Variants in PCAT7 observed in about 807,000 individuals in gnomAD.
The protein encoded by PCAT7 is prostate cancer associated transcript 7 (non-protein coding).
intron 2 of PCAT7, among the ~76,000 whole-genome samples, chr9:94,566,218 TAA>T (rs1228934756): frequency 1.3e-5 from 2 of 152,166 alleles, no homozygotes; most frequent in Non-Finnish European, 2.9e-5. Flanking sequence ...AACCTGGCCA[TAA>T]ACTGGCCCCA....
At chr9:94,556,511 G>A (rs1256024194) in intron 1 of PCAT7, among the ~76,000 whole-genome samples, 1 of 152,066 alleles carries the variant, frequency 6.6e-6, no homozygotes, top group Non-Finnish European at 1.5e-5. Context: ...GGGGACAAAG[G>A]TTTTGGGTAG....
intron 2 of PCAT7, among the ~76,000 whole-genome samples, chr9:94,560,583 G>A (rs891062103): frequency 2.6e-5 from 4 of 151,964 alleles, no homozygotes; most frequent in Non-Finnish European, 5.9e-5. Flanking sequence ...GGTTGACCCA[G>A]CTATGTGCAG....
intron 2 of PCAT7, chr9:94,571,475 A>G (rs369503726): frequency 8.1e-6 from 13 of 1,612,144 alleles, no homozygotes; most frequent in Non-Finnish European, 1.1e-5. Flanking sequence ...GTCAAGCATG[A>G]AGAGGTCCAC....
intron 1 of PCAT7, among the ~76,000 whole-genome samples, chr9:94,556,018 G>T (rs1403986110): frequency 6.6e-6 from 1 of 150,874 alleles, no homozygotes; most frequent in African/African-American, 2.4e-5. Context: ...AAAAGAGGGA[G>T]GTGAGCAGGA....
At chr9:94,561,722 CAGGAT>C (rs1827107350) in intron 2 of PCAT7, among the ~76,000 whole-genome samples, 2 of 152,156 alleles carry the variant, frequency 1.3e-5, no homozygotes, top group South Asian at 2.1e-4. Flanking sequence ...CAGACACACA[CAGGAT>C]AGGAGTGTGC....
chr9:94,564,615 A>C (rs1355531402), intron 2 of PCAT7, among the ~76,000 whole-genome samples: 1 of 152,228 alleles, frequency 6.6e-6, no homozygotes, highest in Non-Finnish European at 1.5e-5. Context: ...AATGATGAGA[A>C]CACATGGACA....
At chr9:94,567,557 T>G in intron 2 of PCAT7, 1 of 819,010 alleles carries the variant, frequency 1.2e-6, no homozygotes, top group Non-Finnish European at 1.9e-6. Context: ...CTTTGGTGTT[T>G]TCATGAGTGG....
At chr9:94,572,952 A>AG (rs71496965) in intron 2 of PCAT7, 73,870 of 151,898 alleles carry the variant, frequency 0.49, 18,588 homozygotes, top group African/African-American at 0.61. Context: ...CACTAGTTCT[A>AG]GAAGTGTTTT....
At chr9:94,572,237 G>C (rs1276457721) in intron 2 of PCAT7, among the ~76,000 whole-genome samples, 1 of 152,024 alleles carries the variant, frequency 6.6e-6, no homozygotes, top group Admixed American at 6.6e-5. Context: ...ACATCCAACC[G>C]GTGCAAAATG....
At chr9:94,565,103 G>C (rs1352035596) in intron 2 of PCAT7, among the ~76,000 whole-genome samples, 1 of 152,172 alleles carries the variant, frequency 6.6e-6, no homozygotes, top group East Asian at 1.9e-4. Context: ...GTCTGGCATG[G>C]TGGTTCACGC....
chr9:94,566,655 G>A (rs1827193964), intron 2 of PCAT7, among the ~76,000 whole-genome samples: 1 of 152,112 alleles, frequency 6.6e-6, no homozygotes, highest in African/African-American at 2.4e-5. Flanking sequence ...AGCTCTGCTG[G>A]GTTAGGGTCT....
At chr9:94,566,293 C>T (rs532524883) in intron 2 of PCAT7, among the ~76,000 whole-genome samples, 24 of 152,374 alleles carry the variant, frequency 1.6e-4, no homozygotes, top group African/African-American at 5.0e-4. Flanking sequence ...TTAATGCCCA[C>T]GCTGGAAGGT....
chr9:94,563,787 T>G (rs561151827), intron 2 of PCAT7, among the ~76,000 whole-genome samples: 8 of 151,986 alleles, frequency 5.3e-5, no homozygotes, highest in African/African-American at 1.9e-4. Flanking sequence ...AGGCTCAAAA[T>G]AAAGGGATGG....
intron 3 of PCAT7, among the ~76,000 whole-genome samples, chr9:94,573,817 A>G (rs1172280877): frequency 6.6e-6 from 1 of 152,238 alleles, no homozygotes; most frequent in Non-Finnish European, 1.5e-5. Flanking sequence ...TTTTTGTATC[A>G]GGATAACACT....
intron 1 of PCAT7, among the ~76,000 whole-genome samples, chr9:94,557,426 AAAG>A (rs1827027539): frequency 6.6e-6 from 1 of 152,200 alleles, no homozygotes; most frequent in South Asian, 2.1e-4. Flanking sequence ...CATTTTGGGA[AAAG>A]AAGAAAATCT....
intron 1 of PCAT7, among the ~76,000 whole-genome samples, chr9:94,555,772 G>A (rs1188475039): frequency 6.6e-6 from 1 of 151,648 alleles, no homozygotes; most frequent in Non-Finnish European, 1.5e-5. Context: ...AGAAAAGATG[G>A]TAGGTAAAAA....
chr9:94,567,240 T>C, intron 2 of PCAT7: 1 of 1,613,252 alleles, frequency 6.2e-7, no homozygotes, highest in Non-Finnish European at 8.5e-7. Context: ...CAGCATTCTG[T>C]CTGCCACCCA....
chr9:94,559,213 G>A (rs980267344), intron 2 of PCAT7: 20 of 1,291,478 alleles, frequency 1.5e-5, no homozygotes, highest in Non-Finnish European at 1.8e-5. Flanking sequence ...TGGGGGAGGA[G>A]TTTGTACTGC....
At position 94,557,139 on chromosome 9, in the gene PCAT7, G is replaced by A. The variant is rs57578837; in HGVS notation, n.257+1829G>A. Among the ~76,000 whole-genome samples, 3 of 152,152 alleles carry A rather than the reference G, an allele frequency of 2.0e-5. No homozygotes were observed. In the East Asian group the frequency reaches 5.8e-4, roughly 29 times the overall value. ...GTACCATGCTTACCATAGATTTGTAGTATATTTTGAAATCAGGTAGTGTGA... is the reference window on the plus strand; with the variant it reads ...GTACCATGCTTACCATAGATTTGTAATATATTTTGAAATCAGGTAGTGTGA... On this transcript the variant is annotated intron_variant and non_coding_transcript_variant, in intron 1 of 8. Coordinates refer to ENST00000647389, the Ensembl canonical transcript of PCAT7.
Sources: gnomAD v4.1 joint callset for allele counts (sites outside exome capture counted in the v4.1 genomes callset) on GRCh38, gnomAD v4.1.1 for gene constraint, MANE v1.5 for transcripts, NCBI Gene and HGNC (gene_info 2026-07-23, HGNC 2026-07-21) for gene names.